The following NPAS3 variants were observed in gnomAD, a reference collection of about 807,000 sequenced individuals.
The protein encoded by NPAS3 is neuronal PAS domain-containing protein 3.
In NPAS3, 14 loss-of-function variants were observed where a neutral mutation model predicts 73.1. The observed-to-expected ratio is 0.19, with a 90% CI of 0.13 to 0.30. The LOEUF (loss-of-function observed/expected upper bound fraction) is 0.30, where lower values mean the gene tolerates loss of function less well. NPAS3 is among the 10% of genes least tolerant of loss of function. The pLI, the probability that NPAS3 is intolerant of heterozygous loss-of-function variation, is 1.00. For synonymous variants in NPAS3, 620 were observed against 541.5 expected (o/e 1.14, Z -2.01); for missense variants, 1,096 against 1,250.0 (o/e 0.88, Z 1.86).
chr14:33,500,851 C>A (rs1001281572), intron 4 of NPAS3, among the ~76,000 whole-genome samples: 2 of 151,904 alleles, frequency 1.3e-5, no homozygotes, highest in African/African-American at 4.8e-5. Context: ...AAGAGAAAAG[C>A]CAGCAGTCCG....
At chr14:33,564,611 T>A (rs1214326103) in intron 5 of NPAS3, among the ~76,000 whole-genome samples, 1 of 152,222 alleles carries the variant, frequency 6.6e-6, no homozygotes, top group Non-Finnish European at 1.5e-5. Context: ...CCTTCACCCA[T>A]ACTCACATCC....
intron 3 of NPAS3, among the ~76,000 whole-genome samples, chr14:33,319,563 TCTC>T (rs1361995408): frequency 6.6e-6 from 1 of 151,988 alleles, no homozygotes; most frequent in African/African-American, 2.4e-5. Flanking sequence ...GCTGGTTACT[TCTC>T]CTTAACAAAA....
In NPAS3 at chr14:33,486,236, C is replaced by T. The variant is rs192063310; in HGVS notation, c.469-73885C>T. On this transcript the variant is annotated intron_variant, in intron 4 of 11. Transcript: ENST00000356141. Reference sequence around the variant, plus strand: ...TCATAGAGAGAAATAGATAGTCTAACGGCGGCCAATTGTGATAACATTTTC... The same window carrying T: ...TCATAGAGAGAAATAGATAGTCTAATGGCGGCCAATTGTGATAACATTTTC... 5.3e-5 allele frequency among the ~76,000 whole-genome samples: 8 copies of T among 151,854 alleles called. No individual in the cohort carries two copies. The East Asian group carries it at 1.6e-3, about 29-fold the overall frequency.
At chr14:33,318,405 T>A (rs529346738) in intron 3 of NPAS3, among the ~76,000 whole-genome samples, 180 of 152,114 alleles carry the variant, frequency 1.2e-3, no homozygotes, top group African/African-American at 4.0e-3. Flanking sequence ...ACGAAAAGAG[T>A]TCTGGAGACT....
chr14:33,659,129 G>A (rs2059234422), intron 5 of NPAS3, among the ~76,000 whole-genome samples: 1 of 152,208 alleles, frequency 6.6e-6, no homozygotes, highest in Non-Finnish European at 1.5e-5. Flanking sequence ...AGATATGGCT[G>A]CTGCCCTGAA....
At chr14:33,711,567 C>CT (rs2060819919) in intron 6 of NPAS3, among the ~76,000 whole-genome samples, 2 of 152,130 alleles carry the variant, frequency 1.3e-5, no homozygotes, top group Non-Finnish European at 2.9e-5. Context: ...TTTCATTCGC[C>CT]TGTTTTATGA....
intron 2 of NPAS3, among the ~76,000 whole-genome samples, chr14:33,122,696 C>T (rs991376621): frequency 6.6e-6 from 1 of 151,974 alleles, no homozygotes; most frequent in Non-Finnish European, 1.5e-5. Context: ...TGTTTAATTG[C>T]CTACAGGTTT....
intron 3 of NPAS3, among the ~76,000 whole-genome samples, chr14:33,305,914 C>A (rs1206859951): frequency 6.6e-6 from 1 of 152,094 alleles, no homozygotes; most frequent in Admixed American, 6.6e-5. Flanking sequence ...AAGTGTAGGC[C>A]CAGCAAAACA....
intron 6 of NPAS3, among the ~76,000 whole-genome samples, chr14:33,715,366 C>A (rs2060928975): frequency 6.6e-6 from 1 of 152,150 alleles, no homozygotes; most frequent in South Asian, 2.1e-4. Flanking sequence ...GTGTGAATCA[C>A]CTTTACTGTC....
chr14:33,046,898 T>C (rs1299338587), intron 1 of NPAS3, among the ~76,000 whole-genome samples: 9 of 152,186 alleles, frequency 5.9e-5, no homozygotes, highest in South Asian at 2.1e-4. Context: ...CACTTGAACC[T>C]GGGAGGCGGA....
At chr14:33,457,115 C>T (rs1397040121) in intron 4 of NPAS3, among the ~76,000 whole-genome samples, 34 of 152,158 alleles carry the variant, frequency 2.2e-4, no homozygotes. Flanking sequence ...GGCGAGTCGC[C>T]GTCCAAATAT....
chr14:33,312,395 TTG>T (rs140992867), intron 3 of NPAS3, among the ~76,000 whole-genome samples: 4 of 150,948 alleles, frequency 2.6e-5, no homozygotes, highest in East Asian at 1.9e-4. Flanking sequence ...ACAATTTTTA[TTG>T]TGTGTGTGTG....
intron 6 of NPAS3, among the ~76,000 whole-genome samples, chr14:33,713,607 C>T (rs896408855): frequency 5.3e-5 from 8 of 152,210 alleles, no homozygotes; most frequent in South Asian, 2.1e-4. Context: ...GCTGTTGCTT[C>T]GAGATACATC....
intron 5 of NPAS3, among the ~76,000 whole-genome samples, chr14:33,617,603 C>G (rs906658331): frequency 7.2e-5 from 11 of 152,202 alleles, no homozygotes; most frequent in African/African-American, 2.7e-4. Flanking sequence ...GTAATGTACA[C>G]TCCTGTTCCT....
At chr14:33,797,685 C>A (rs1019321341) in intron 11 of NPAS3, 104 bp downstream of exon 11, 1 of 1,122,918 alleles carries the variant, frequency 8.9e-7, no homozygotes, top group Non-Finnish European at 1.3e-6. Context: ...CAACTGGTCA[C>A]ATTTCAGAGA....
chr14:33,324,151 C>T (rs1039059052), intron 3 of NPAS3, among the ~76,000 whole-genome samples: 11 of 152,262 alleles, frequency 7.2e-5, no homozygotes, highest in Non-Finnish European at 1.2e-4. Flanking sequence ...AATGGCTGTC[C>T]TTCCTGCAGT....
At chr14:33,559,227 T>G (rs1382443624) in intron 4 of NPAS3, among the ~76,000 whole-genome samples, 1 of 152,172 alleles carries the variant, frequency 6.6e-6, no homozygotes, top group Admixed American at 6.5e-5. Flanking sequence ...CTATAAAACT[T>G]TAACAGAGAG....
intron 2 of NPAS3, among the ~76,000 whole-genome samples, chr14:33,115,036 G>A (rs1484638398): frequency 6.6e-6 from 1 of 152,096 alleles, no homozygotes; most frequent in Non-Finnish European, 1.5e-5. Flanking sequence ...TCTAAGAAAG[G>A]CATGATAGAC....
chr14:33,634,166 T>A (rs1469919774), intron 5 of NPAS3, among the ~76,000 whole-genome samples: 3 of 152,204 alleles, frequency 2.0e-5, no homozygotes, highest in Non-Finnish European at 2.9e-5. Flanking sequence ...ATGTTGGTTC[T>A]TACAGGGTGC....
Sources: allele counts gnomAD v4.1 joint callset (sites outside exome capture counted in the v4.1 genomes callset), GRCh38; gene constraint gnomAD v4.1.1; transcripts MANE v1.5; gene names NCBI Gene and HGNC (gene_info 2026-07-23, HGNC 2026-07-21).